Variants in GRK3 observed in about 807,000 individuals in gnomAD.
GRK3 encodes G protein-coupled receptor kinase 3.
Under a neutral mutation model 95.7 loss-of-function variants are expected in GRK3, and 54 were observed. The ratio of observed to expected loss-of-function variants is 0.56; its 90% confidence interval spans 0.45 to 0.71. The LOEUF (loss-of-function observed/expected upper bound fraction) is 0.71, where lower values mean the gene tolerates loss of function less well. GRK3 is among the 30% of genes least tolerant of loss of function. GRK3 has a pLI of 0.00. For synonymous variants in GRK3, 281 were observed against 290.8 expected, an observed-to-expected ratio of 0.97 and a Z score of 0.34; for missense variants, 649 against 851.2, an observed-to-expected ratio of 0.76 and a Z score of 2.96.
intron 2 of GRK3, among the ~76,000 whole-genome samples, chr22:25,612,199 A>G (rs753601212): frequency 1.3e-5 from 2 of 151,918 alleles, no homozygotes; most frequent in Non-Finnish European, 2.9e-5. Context: ...TTTTTCTTCT[A>G]GTAGTTTTAT....
At chr22:25,623,622 A>G (rs2084604071) in intron 2 of GRK3, among the ~76,000 whole-genome samples, 1 of 152,202 alleles carries the variant, frequency 6.6e-6, no homozygotes. Context: ...ACAAACTAAG[A>G]AACCTACACA....
intron 12 of GRK3, among the ~76,000 whole-genome samples, chr22:25,691,152 G>A (rs556034968): frequency 4.6e-5 from 7 of 152,208 alleles, no homozygotes; most frequent in South Asian, 2.1e-4. Flanking sequence ...TGATCTGGGT[G>A]GAAAGTATGA....
rs572700371 is a variant in GRK3, at chr22:25,689,291, G to A, written c.958-898G>A. On this transcript the variant is annotated intron_variant, in intron 11 of 20. Coordinates refer to ENST00000324198, the MANE Select transcript of GRK3 (RefSeq NM_005160.4). ...AACACATGCTGACGGCCCATGAAGCGCTATTGTAATACATTCTAATTTAAA... is the reference window on the plus strand; with the variant it reads ...AACACATGCTGACGGCCCATGAAGCACTATTGTAATACATTCTAATTTAAA... Among the ~76,000 whole-genome samples the A allele has an allele frequency of 1.4e-3, 219 of 152,220 alleles. 1 individual carries two copies. Among genetic ancestry groups the A allele is most frequent in the Admixed American group, 0.011 (165 of 15,292 alleles).
chr22:25,647,000 G>C (rs1206352963), intron 3 of GRK3, among the ~76,000 whole-genome samples: 1 of 125,008 alleles, frequency 8.0e-6, no homozygotes, highest in Non-Finnish European at 1.6e-5. Context: ...TAGCCTGGGT[G>C]ACCGAGGGAG....
intron 8 of GRK3, among the ~76,000 whole-genome samples, chr22:25,675,743 C>A (rs1354407055): frequency 6.6e-6 from 1 of 152,176 alleles, no homozygotes; most frequent in South Asian, 2.1e-4. Context: ...AAGTCCTTTC[C>A]GTTCTCAGAC....
chr22:25,597,831 G>A (rs1569158492), intron 1 of GRK3, among the ~76,000 whole-genome samples: 1 of 152,172 alleles, frequency 6.6e-6, no homozygotes, highest in African/African-American at 2.4e-5. Context: ...AGTGCTGAGA[G>A]AAAACAAAAC....
At chr22:25,698,426 C>G (rs1382878870) in intron 13 of GRK3, among the ~76,000 whole-genome samples, 1 of 152,114 alleles carries the variant, frequency 6.6e-6, no homozygotes, top group Non-Finnish European at 1.5e-5. Flanking sequence ...CGATGTGCTG[C>G]GAGCACAGAC....
intron 3 of GRK3, chr22:25,648,945 G>A: frequency 1.1e-6 from 1 of 903,472 alleles, no homozygotes; most frequent in South Asian, 1.3e-5. Context: ...ACTGTATGGT[G>A]GGTTTACAAT....
intron 3 of GRK3, among the ~76,000 whole-genome samples, chr22:25,654,919 T>A (rs1387195468): frequency 6.6e-6 from 1 of 152,182 alleles, no homozygotes; most frequent in Non-Finnish European, 1.5e-5. Flanking sequence ...CCTTGGAGGA[T>A]GCTGCAAAAC....
At chr22:25,636,191 C>G (rs2084700003) in intron 2 of GRK3, among the ~76,000 whole-genome samples, 2 of 152,164 alleles carry the variant, frequency 1.3e-5, no homozygotes, top group Non-Finnish European at 2.9e-5. Flanking sequence ...CTCTAAGGAG[C>G]TCTAGTTGCT....
chr22:25,697,659 C>G (rs899428767), intron 13 of GRK3, among the ~76,000 whole-genome samples: 2 of 152,200 alleles, frequency 1.3e-5, no homozygotes, highest in Non-Finnish European at 2.9e-5. Context: ...CATATGCATG[C>G]TGTGTAACTC....
intron 1 of GRK3, among the ~76,000 whole-genome samples, chr22:25,593,934 G>T (rs1932582951): frequency 6.6e-6 from 1 of 151,992 alleles, no homozygotes; most frequent in East Asian, 1.9e-4. Context: ...TTTATTTTTG[G>T]GTTCTCTCTT....
chr22:25,565,174 C>T, intron 1 of GRK3, 21 bp downstream of exon 1: 2 of 1,404,480 alleles, frequency 1.4e-6, no homozygotes, highest in Non-Finnish European at 9.5e-7. Flanking sequence ...CCCCGGCCGG[C>T]GCCGGCCCCA....
intron 1 of GRK3, among the ~76,000 whole-genome samples, chr22:25,579,031 C>T (rs1198637231): frequency 1.3e-5 from 2 of 152,116 alleles, no homozygotes; most frequent in Admixed American, 6.5e-5. Context: ...AAGGCACCTA[C>T]TCTGTCTCTG....
chr22:25,668,495 G>A (rs1012133509), intron 6 of GRK3, among the ~76,000 whole-genome samples: 2 of 152,194 alleles, frequency 1.3e-5, no homozygotes, highest in African/African-American at 4.8e-5. Flanking sequence ...CTTTACTGTA[G>A]TTTTCTTCAC....
intron 3 of GRK3, among the ~76,000 whole-genome samples, chr22:25,659,513 T>C (rs1478945370): frequency 6.6e-6 from 1 of 152,208 alleles, no homozygotes; most frequent in African/African-American, 2.4e-5. Flanking sequence ...TGAATATTTA[T>C]TATTGATGAT....
At position 25,565,051 on chromosome 22, in the gene GRK3, T is replaced by A. The variant is rs1282427246; in HGVS notation, c.11T>A (p.Leu4Gln). 6.8e-7 allele frequency: 1 copy of A among 1,461,532 alleles called. No individual in the cohort carries two copies. The highest frequency in any genetic ancestry group is 2.6e-4 in the Middle Eastern group (1 of 3,870). The allele number at this position is 1,461,532 out of a possible 1,614,324, so 90.5% of individuals were successfully genotyped here. A position where few individuals can be genotyped will look rare whatever the true frequency, so the allele number is the denominator to read the frequency against. Residue 4 changes from leucine (L) to glutamine (Q), a missense_variant, in exon 1 of 21, where the codon CTG (leucine) becomes CAG (glutamine). This residue lies in a region of GRK3 where 206 missense variants were observed against 231.4 expected (regional missense o/e 0.89). Coordinates refer to ENST00000324198, the MANE Select transcript of GRK3 (RefSeq NM_005160.4). ...CCAAAGCTCGCCAACATGGCGGACCTGGAGGCTGTGCTGGCCGATGTCAGT... is the reference window on the plus strand; with the variant it reads ...CCAAAGCTCGCCAACATGGCGGACCAGGAGGCTGTGCTGGCCGATGTCAGT... Reference protein sequence around the residue: MADLEAVLADVSYL... With the variant: MADQEAVLADVSYL...
intron 3 of GRK3, among the ~76,000 whole-genome samples, chr22:25,653,578 G>A: frequency 6.6e-6 from 1 of 152,158 alleles, no homozygotes; most frequent in East Asian, 1.9e-4. Context: ...TAACCTTCTA[G>A]AGCTTATAGA....
At chr22:25,610,415 C>T (rs138592164) in intron 2 of GRK3, among the ~76,000 whole-genome samples, 274 of 152,250 alleles carry the variant, frequency 1.8e-3, no homozygotes, top group African/African-American at 5.9e-3. Flanking sequence ...CTTAGTGAGT[C>T]GTGATCGCAT....
Sources: allele counts gnomAD v4.1 joint callset (sites outside exome capture counted in the v4.1 genomes callset), GRCh38; gene constraint gnomAD v4.1.1; regional missense constraint gnomAD v4.1.1; transcripts MANE v1.5; gene names NCBI Gene and HGNC (gene_info 2026-07-23, HGNC 2026-07-21).